Variants in ARHGAP15 observed in about 807,000 individuals in gnomAD.
ARHGAP15 encodes rho GTPase-activating protein 15.
ARHGAP15 carries 51 observed loss-of-function variants against 63.7 expected under a neutral mutation model. The ratio of observed to expected loss-of-function variants is 0.80; its 90% CI spans 0.64 to 1.01. The LOEUF is 1.01. Among genes scored for constraint, ARHGAP15 ranks in the 50% least tolerant of loss-of-function variants. The probability of loss-of-function intolerance (pLI) is 0.00; values close to 1 mark genes in which losing one functional copy is unlikely to be tolerated. For missense variants in ARHGAP15, 560 were observed against 564.6 expected, an observed-to-expected ratio of 0.99 and a Z score of 0.08; for synonymous variants, 191 against 193.8, an observed-to-expected ratio of 0.99 and a Z score of 0.12.
intron 12 of ARHGAP15, among the ~76,000 whole-genome samples, chr2:143,626,833 G>T (rs1698855777): frequency 6.6e-6 from 1 of 152,078 alleles, no homozygotes; most frequent in South Asian, 2.1e-4. Flanking sequence ...ATTCCAGCTG[G>T]CTTCACCTGT....
chr2:143,613,850 G>A (rs902163313), intron 11 of ARHGAP15, among the ~76,000 whole-genome samples: 9 of 151,788 alleles, frequency 5.9e-5, no homozygotes, highest in African/African-American at 1.7e-4. Context: ...TCTTCTATAC[G>A]CCCACTCCAA....
intron 12 of ARHGAP15, among the ~76,000 whole-genome samples, chr2:143,628,071 C>T (rs1332173323): frequency 6.6e-6 from 1 of 151,966 alleles, no homozygotes; most frequent in Non-Finnish European, 1.5e-5. Context: ...TAAGAAAGAA[C>T]ATGGGGTATT....
intron 13 of ARHGAP15, among the ~76,000 whole-genome samples, chr2:143,706,155 G>A (rs1684316075): frequency 6.6e-6 from 1 of 152,124 alleles, no homozygotes; most frequent in South Asian, 2.1e-4. Flanking sequence ...TTATGCACGA[G>A]TGTGTGCACA....
intron 13 of ARHGAP15, among the ~76,000 whole-genome samples, chr2:143,734,073 G>A (rs1685652324): frequency 6.6e-6 from 1 of 152,140 alleles, no homozygotes; most frequent in Non-Finnish European, 1.5e-5. Flanking sequence ...GAAGCATCCA[G>A]TCTAGTCTAG....
chr2:143,164,705 A>G (rs1394392347), intron 2 of ARHGAP15, among the ~76,000 whole-genome samples: 1 of 151,570 alleles, frequency 6.6e-6, no homozygotes, highest in Non-Finnish European at 1.5e-5. Flanking sequence ...CCTCCTCATT[A>G]TTATTATTAG....
chr2:143,660,773 G>A (rs1400430382), intron 12 of ARHGAP15, among the ~76,000 whole-genome samples: 2 of 152,186 alleles, frequency 1.3e-5, no homozygotes, highest in Non-Finnish European at 2.9e-5. Context: ...TTTTACCTAG[G>A]AGTAGAAACA....
chr2:143,171,557 C>T (rs906552118), intron 2 of ARHGAP15, among the ~76,000 whole-genome samples: 3 of 152,080 alleles, frequency 2.0e-5, no homozygotes, highest in Non-Finnish European at 4.4e-5. Flanking sequence ...TGTATACTAA[C>T]TACACCCTTA....
chr2:143,207,495 AACACACACACACACAC>A (rs70982851), intron 3 of ARHGAP15, among the ~76,000 whole-genome samples: 1 of 145,764 alleles, frequency 6.9e-6, no homozygotes, highest in Non-Finnish European at 1.5e-5. Flanking sequence ...CACACACATA[AACACACACACACACAC>A]ACACACACAC....
chr2:143,758,103 TC>T (rs1686640949), intron 13 of ARHGAP15, among the ~76,000 whole-genome samples: 1 of 152,046 alleles, frequency 6.6e-6, no homozygotes, highest in African/African-American at 2.4e-5. Flanking sequence ...TTAAGGTATT[TC>T]CATACTATGA....
At chr2:143,311,723 T>C (rs1447504157) in intron 6 of ARHGAP15, among the ~76,000 whole-genome samples, 1 of 152,130 alleles carries the variant, frequency 6.6e-6, no homozygotes, top group Non-Finnish European at 1.5e-5. Flanking sequence ...TTAACTGTAC[T>C]CTTAGCATAT....
At chr2:143,567,241 C>T (rs912464966) in intron 11 of ARHGAP15, among the ~76,000 whole-genome samples, 1 of 152,246 alleles carries the variant, frequency 6.6e-6, no homozygotes, top group African/African-American at 2.4e-5. Context: ...AAGACCTTCC[C>T]TGTCTTGGTC....
chr2:143,286,563 A>G (rs1356066102), intron 6 of ARHGAP15, among the ~76,000 whole-genome samples: 1 of 152,200 alleles, frequency 6.6e-6, no homozygotes, highest in African/African-American at 2.4e-5. Context: ...ACATGTAATG[A>G]ATTCCTATAC....
intron 6 of ARHGAP15, among the ~76,000 whole-genome samples, chr2:143,417,330 C>T (rs1048833927): frequency 7.2e-5 from 11 of 151,958 alleles, no homozygotes; most frequent in African/African-American, 2.2e-4. Flanking sequence ...TAGGTGTGAA[C>T]GGTTACACAT....
chr2:143,157,868 G>A (rs184552850), intron 2 of ARHGAP15, among the ~76,000 whole-genome samples: 5 of 151,932 alleles, frequency 3.3e-5, no homozygotes, highest in African/African-American at 9.6e-5. Flanking sequence ...TGAGGTCAAG[G>A]GGGAGATTTT....
intron 1 of ARHGAP15, among the ~76,000 whole-genome samples, chr2:143,134,934 C>T (rs1014260906): frequency 2.0e-5 from 3 of 151,890 alleles, no homozygotes; most frequent in African/African-American, 7.3e-5. Flanking sequence ...CGCGCCCAGC[C>T]TAAATGCTGT....
intron 6 of ARHGAP15, among the ~76,000 whole-genome samples, chr2:143,403,015 A>G (rs946228105): frequency 6.6e-6 from 1 of 151,870 alleles, no homozygotes; most frequent in South Asian, 2.1e-4. Context: ...AAAAGGATTC[A>G]AGTAAAACCT....
Position 143,435,577 on chromosome 2 carries a change from TTTTTC to T in ARHGAP15, c.475-19_475-15del, listed in dbSNP as rs1277772471. The T allele has an allele frequency of 1.4e-6, 2 of 1,440,852 alleles. No individual in the cohort carries two copies. Among genetic ancestry groups the T allele is most frequent in the South Asian group, 1.3e-5 (1 of 76,854 alleles). The allele number at this position is 1,440,852 out of a possible 1,614,324, so 89.3% of individuals were successfully genotyped here. On this transcript the variant is annotated intron_variant, in intron 6 of 13. Coordinates refer to ENST00000295095, the MANE Select transcript of ARHGAP15 (RefSeq NM_018460.4). Reference sequence around the variant, plus strand: ...CATAGTTTCTTTACCTGTCTATTTCTTTTTCTTTTTTTTTTTTTTGCAGATCACAA... The same window carrying T: ...CATAGTTTCTTTACCTGTCTATTTCTTTTTTTTTTTTTTTGCAGATCACAA...
At chr2:143,443,935 G>A (rs74815126) in intron 8 of ARHGAP15, among the ~76,000 whole-genome samples, 14,919 of 152,170 alleles carry the variant, frequency 0.098, 948 homozygotes, top group Middle Eastern at 0.15. Flanking sequence ...TTTGATAAGA[G>A]GACTTCATTA....
Position 143,572,455 on chromosome 2 carries a change from C to G in ARHGAP15, c.1003+15970C>G, listed in dbSNP as rs116136808. ...TGCCCTGTTCTCAGCGTTATCATCC[C>G]CATCTCTCAAGAGTCCACTCAGACT... is the stretch of plus-strand genomic sequence containing the variant. On this transcript the variant is annotated intron_variant, in intron 11 of 13. Transcript: ENST00000295095. Among the ~76,000 whole-genome samples, 314 of 152,264 alleles carry G rather than the reference C, an allele frequency of 2.1e-3. 1 individual carries two copies. The highest frequency in any genetic ancestry group is 6.8e-3 in the African/African-American group (281 of 41,546).
Sources: allele counts gnomAD v4.1 joint callset (sites outside exome capture counted in the v4.1 genomes callset), GRCh38; gene constraint gnomAD v4.1.1; transcripts MANE v1.5; gene names NCBI Gene and HGNC (gene_info 2026-07-23, HGNC 2026-07-21).